NUP98: variants seen among roughly 807,000 people sequenced by gnomAD.
NUP98 encodes nucleoporin 98 and 96 precursor.
Under a neutral mutation model 191.9 loss-of-function variants are expected in NUP98, and 26 were observed. That is an observed-to-expected ratio of 0.14 (90% CI 0.10 to 0.19). The LOEUF (loss-of-function observed/expected upper bound fraction) is 0.19. NUP98 is among the 10% of genes least tolerant of loss of function. NUP98 has a pLI of 1.00. For missense variants in NUP98, 1,941 were observed against 2,178.8 expected, an observed-to-expected ratio of 0.89 and a Z score of 2.17; for synonymous variants, 808 against 778.4, an observed-to-expected ratio of 1.04 and a Z score of -0.63.
intron 12 of NUP98, among the ~76,000 whole-genome samples, chr11:3,741,378 T>C (rs2080281597): frequency 6.6e-6 from 1 of 151,878 alleles, no homozygotes. Context: ...TCCCAGCACT[T>C]TGGGAGGCTG....
intron 23 of NUP98, 112 bp downstream of exon 23, chr11:3,702,324 CTCTCTCTCTCTCTCTCTCTCTCTCTCT>C (rs2078723160): frequency 1.3e-5 from 2 of 152,442 alleles, no homozygotes; most frequent in Non-Finnish European, 2.1e-5. Context: ...CTCTCTCTCT[CTCTCTCTCTCTCTCTCTCTCTCTCTCT>C]CTCTCTCTCT....
At chr11:3,791,840 T>TAA (rs148173966) in intron 1 of NUP98, among the ~76,000 whole-genome samples, 2,111 of 112,840 alleles carry the variant, frequency 0.019, 72 homozygotes, top group African/African-American at 0.067. Flanking sequence ...AGACTACATC[T>TAA]AAAAAAAAAA....
chr11:3,753,307 G>A lies in NUP98; in HGVS notation c.1267+9C>T, dbSNP rs928659844. The A allele has an allele frequency of 7.5e-6, 12 of 1,610,234 alleles. No individual in the cohort carries two copies. The highest frequency in any genetic ancestry group is 2.7e-5 in the African/African-American group (2 of 74,840). ...TCACTTCCTAGATCTCATGGTAGCA[G>A]TTTCTTACCTGTTCCAAATCCTGCA... On this transcript the variant is annotated intron_variant, in intron 11 of 32. Transcript: ENST00000324932.
intron 31 of NUP98, among the ~76,000 whole-genome samples, chr11:3,677,095 T>G (rs1332207470): frequency 6.6e-6 from 1 of 152,056 alleles, no homozygotes; most frequent in Non-Finnish European, 1.5e-5. Context: ...ATGAAACTGA[T>G]AGAAAATAAA....
chr11:3,700,289 A>AT (rs2078637859), intron 24 of NUP98, among the ~76,000 whole-genome samples: 1 of 150,906 alleles, frequency 6.6e-6, no homozygotes, highest in African/African-American at 2.4e-5. Flanking sequence ...AAAAAAAAAA[A>AT]GTAAAGCAAG....
intron 1 of NUP98, among the ~76,000 whole-genome samples, chr11:3,787,452 G>A (rs906572271): frequency 2.6e-5 from 4 of 151,972 alleles, no homozygotes; most frequent in African/African-American, 7.3e-5. Context: ...AAGCGGTGGC[G>A]CATGCCTGTA....
intron 8 of NUP98, among the ~76,000 whole-genome samples, chr11:3,767,766 T>C (rs2081386184): frequency 6.6e-6 from 1 of 151,898 alleles, no homozygotes; most frequent in South Asian, 2.1e-4. Context: ...GTAATGACCA[T>C]GAGGACCTTT....
rs542061513 is a variant in NUP98 at position 3,702,717 on chromosome 11, C to T, written c.3258G>A (p.Glu1086=). 1 of 1,614,144 alleles carries T rather than the reference C, an allele frequency of 6.2e-7. No homozygotes were observed. The highest frequency in any genetic ancestry group is 1.3e-5 in the African/African-American group (1 of 75,044). The part of the protein sequence containing the change: ...SVFTMPSPAP[E]VPLKTVGTRR... ...GTGTACCCACTGTTTTCAACGGAAC[C>T]TCAGGGGCTGGGCTGGGCATTGTGA... The change falls in exon 23 of 33, where the codon GAG becomes GAA. Residue 1086 remains glutamate (E), a synonymous_variant. Transcript: ENST00000324932.
Position 3,738,252 on chromosome 11 carries a change from AAAAC to A in NUP98, c.1409-2932_1409-2929del, listed in dbSNP as rs1381248349. 3.9e-5 allele frequency among the ~76,000 whole-genome samples: 6 copies of A among 152,346 alleles called. No homozygotes were observed. The South Asian group carries it at 8.3e-4, about 21-fold the overall frequency. ...ATCTTGATAGATTAGCAAAAACAAG[AAAAC>A]AAACAAGCACTAGTTAAGCAACTAC... On this transcript the variant is annotated intron_variant, in intron 12 of 32. Coordinates refer to ENST00000324932, the MANE Select transcript of NUP98 (RefSeq NM_016320.5).
At position 3,702,779 on chromosome 11, in the gene NUP98, A is replaced by G. The variant is rs1248439075; in HGVS notation, c.3196T>C (p.Ser1066Pro). The G allele has an allele frequency of 6.2e-7, 1 of 1,614,158 alleles. No individual in the cohort carries two copies. Among genetic ancestry groups the G allele is most frequent in the Non-Finnish European group, 8.5e-7 (1 of 1,180,016 alleles). Residue 1066 changes from serine (S) to proline (P), a missense_variant, in exon 23 of 33, where the codon TCC (serine) becomes CCC (proline). Coordinates refer to ENST00000324932, the MANE Select transcript of NUP98 (RefSeq NM_016320.5). ...AASLMNIPSTSSWSVPPPLTS... is the reference protein window; with the variant it reads ...AASLMNIPSTPSWSVPPPLTS... ...AGGGGTGGAGGGACAGACCAAGAGG[A>G]TGTGGATGGGATATTCATTAAAGAT... is the stretch of plus-strand genomic sequence containing the variant.
At chr11:3,782,179 G>T in intron 1 of NUP98, 34 bp from the exon 2 acceptor site, 1 of 1,168,468 alleles carries the variant, frequency 8.6e-7, no homozygotes, top group Non-Finnish European at 1.3e-6. Flanking sequence ...CTCTCTTAAA[G>T]ACCACAAAAT....
At chr11:3,736,621 C>G (rs946443735) in intron 12 of NUP98, among the ~76,000 whole-genome samples, 1 of 152,206 alleles carries the variant, frequency 6.6e-6, no homozygotes, top group African/African-American at 2.4e-5. Flanking sequence ...GAGCGAGACT[C>G]TGCCTCAAAC....
At position 3,693,212 on chromosome 11, in the gene NUP98, G is replaced by T; in HGVS notation, c.4311+20C>A. 6.2e-7 allele frequency: 1 copy of T among 1,611,598 alleles called. No homozygotes were observed. Among genetic ancestry groups the T allele is most frequent in the Non-Finnish European group, 8.5e-7 (1 of 1,178,768 alleles). On this transcript the variant is annotated intron_variant, in intron 27 of 32. Transcript: ENST00000324932. ...TAACACCCAGCAAGATTTTTGCTTG[G>T]CTCTATTGGCCACATATACCTGAAA...
intron 13 of NUP98, 35 bp downstream of exon 13, chr11:3,735,156 G>C (rs1175704275): frequency 6.6e-7 from 1 of 1,514,882 alleles, no homozygotes; most frequent in Non-Finnish European, 8.9e-7. Flanking sequence ...CTCTTTCTTT[G>C]ATATGATATT....
intron 25 of NUP98, chr11:3,696,999 CCTA>C: frequency 6.6e-6 from 1 of 152,162 alleles, no homozygotes; most frequent in Admixed American, 6.5e-5. Context: ...AAGATCCTCT[CCTA>C]CTACATGTTG....
rs114102949 is a variant in NUP98 at position 3,728,134 on chromosome 11, A to G, written c.1731-2915T>C. Among the ~76,000 whole-genome samples the G allele has an allele frequency of 2.8e-3, 425 of 152,346 alleles. 2 individuals carry two copies. The highest frequency in any genetic ancestry group is 9.9e-3 in the African/African-American group (412 of 41,578). On this transcript the variant is annotated intron_variant, in intron 14 of 32. Coordinates refer to ENST00000324932, the MANE Select transcript of NUP98 (RefSeq NM_016320.5). ...TGGATATATGAGGAGAAGTGTTTCAAAGGGAACAATTGGGGCAAAGGCCCA... is the reference window on the plus strand; with the variant it reads ...TGGATATATGAGGAGAAGTGTTTCAGAGGGAACAATTGGGGCAAAGGCCCA...
chr11:3,712,127 A>C, intron 20 of NUP98: 1 of 1,059,790 alleles, frequency 9.4e-7, no homozygotes, highest in East Asian at 5.2e-5. Context: ...CAACTTTAAA[A>C]AAATGGAGAT....
chr11:3,768,646 T>C lies in NUP98; in HGVS notation c.883A>G (p.Thr295Ala), dbSNP rs1564906507. Residue 295 changes from threonine to alanine, a missense_variant, in exon 8 of 33, where the codon ACC becomes GCC. Physicochemically the swap from Thr to Ala is moderately conservative, Grantham distance 58. Around this residue, in one of 6 missense-constraint regions of NUP98, gnomAD observed 181 missense variants for 228.0 expected, o/e 0.79. Coordinates refer to ENST00000324932, the MANE Select transcript of NUP98 (RefSeq NM_016320.5). ...CCAAAGGAAAAGCCAGTGTTCTGGGTGGTTGTAGCCTGGCCAAATGGTTTG... is the reference window on the plus strand; with the variant it reads ...CCAAAGGAAAAGCCAGTGTTCTGGGCGGTTGTAGCCTGGCCAAATGGTTTG... The part of the protein sequence containing the change: ...FSKPFGQATT[T>A]QNTGFSFGNT... 6.2e-7 allele frequency: 1 copy of C among 1,611,582 alleles called. No homozygotes were observed. The highest frequency in any genetic ancestry group is 8.5e-7 in the Non-Finnish European group (1 of 1,178,582).
At chr11:3,794,603 A>G (rs2082466742) in intron 1 of NUP98, among the ~76,000 whole-genome samples, 2 of 151,900 alleles carry the variant, frequency 1.3e-5, no homozygotes, top group South Asian at 4.2e-4. Flanking sequence ...CTAGGATTAC[A>G]GGCGTGAACC....
Sources: allele counts gnomAD v4.1 joint callset (sites outside exome capture counted in the v4.1 genomes callset), GRCh38; gene constraint gnomAD v4.1.1; regional missense constraint gnomAD v4.1.1; transcripts MANE v1.5; gene names NCBI Gene and HGNC (gene_info 2026-07-23, HGNC 2026-07-21).